Variants in RBM44 observed in about 807,000 individuals in gnomAD.
RBM44 encodes the protein RNA binding motif protein 44.
RBM44 carries 66 observed loss-of-function variants against 105.1 expected under a neutral mutation model. The ratio of observed to expected loss-of-function variants is 0.63; its 90% CI spans 0.52 to 0.77. The LOEUF is 0.77. Ranked by LOEUF, RBM44 falls within the 30% of genes least tolerant of loss-of-function variation. RBM44 has a pLI of 0.00. For missense variants in RBM44, 1,122 were observed against 1,207.8 expected (o/e 0.93, Z 1.05); for synonymous variants, 365 against 417.6 (o/e 0.87, Z 1.54).
rs776264334 is a variant in RBM44 at position 237,813,587 on chromosome 2, T to C, written c.-18-5T>C. On this transcript the variant is annotated splice_polypyrimidine_tract_variant and splice_region_variant and intron_variant, in intron 1 of 15. Coordinates refer to ENST00000316997, the MANE Select transcript of RBM44 (RefSeq NM_001080504.3). Reference sequence around the variant, plus strand: ...ATAATAGTTCAATATTTATACCTTTTCTAGATTATATATCTTTGAATGATG... The same window carrying C: ...ATAATAGTTCAATATTTATACCTTTCCTAGATTATATATCTTTGAATGATG... 7.3e-6 allele frequency: 11 copies of C among 1,502,266 alleles called. No homozygotes were observed. The highest frequency in any genetic ancestry group is 1.0e-5 in the Non-Finnish European group (11 of 1,080,800). The allele number at this position is 1,502,266 out of a possible 1,614,324, so 93.1% of individuals were successfully genotyped here. A position where few individuals can be genotyped will look rare whatever the true frequency, so the allele number is the denominator to read the frequency against.
chr2:237,823,124 TATATA>T (rs1329572596), intron 8 of RBM44, among the ~76,000 whole-genome samples: 1 of 146,606 alleles, frequency 6.8e-6, no homozygotes, highest in Non-Finnish European at 1.5e-5. Flanking sequence ...ATATATATAA[TATATA>T]TATATACACC....
Position 237,842,499 on chromosome 2 carries a change from A to G in RBM44, c.*683A>G, listed in dbSNP as rs2062021835. The G allele has an allele frequency of 6.6e-6, 1 of 152,094 alleles. No homozygotes were observed. Among genetic ancestry groups the G allele is most frequent in the African/African-American group, 2.4e-5 (1 of 41,452 alleles). 9.4% of individuals were successfully genotyped at this position (152,094 alleles called of 1,614,324 possible). ...AAGTACTTAAATTCCAATGTTCCCT[A>G]TAGTGCTTGCATTCATTTTGTGAAA... On this transcript the variant is annotated 3_prime_UTR_variant, in exon 16 of 16. Coordinates refer to ENST00000316997, the MANE Select transcript of RBM44 (RefSeq NM_001080504.3).
At chr2:237,809,615 C>A (rs931293016) in intron 1 of RBM44, among the ~76,000 whole-genome samples, 6 of 152,158 alleles carry the variant, frequency 3.9e-5, no homozygotes, top group Admixed American at 6.5e-5. Flanking sequence ...GTGCCTAATT[C>A]TTGAGTCTCT....
intron 9 of RBM44, 100 bp downstream of exon 9, chr2:237,823,654 AATTG>A: frequency 1.6e-6 from 1 of 606,900 alleles, no homozygotes; most frequent in Non-Finnish European, 2.9e-6. Flanking sequence ...AAATTTTCTT[AATTG>A]ATGGAAAGGC....
chr2:237,838,154 A>C (rs2061977925), intron 15 of RBM44, among the ~76,000 whole-genome samples: 1 of 152,196 alleles, frequency 6.6e-6, no homozygotes, highest in South Asian at 2.1e-4. Context: ...CTGCTTGAAA[A>C]ATTAAAGCCT....
At position 237,818,663 on chromosome 2, in the gene RBM44, G is replaced by C; in HGVS notation, c.1677+67G>C. 1.7e-6 allele frequency: 2 copies of C among 1,158,392 alleles called. No individual in the cohort carries two copies. The highest frequency in any genetic ancestry group is 1.2e-6 in the Non-Finnish European group (1 of 848,204). 71.8% of individuals were successfully genotyped at this position (1,158,392 alleles called of 1,614,324 possible). ...AGAGACAGTGTATGCTAATGTAAGT[G>C]TTTTTGGTTCGTTGAATTAAGGCTT... On this transcript the variant is annotated intron_variant, in intron 3 of 15. Coordinates refer to ENST00000316997, the MANE Select transcript of RBM44 (RefSeq NM_001080504.3). The surrounding 1 kb of genome is among the most constrained non-coding windows in gnomAD (Gnocchi z 4.6).
chr2:237,825,294 T>C (rs1262849524), intron 10 of RBM44, among the ~76,000 whole-genome samples: 2 of 152,028 alleles, frequency 1.3e-5, no homozygotes, highest in African/African-American at 4.8e-5. Flanking sequence ...CTATCTTGGC[T>C]CATTGCAACC....
In RBM44 at chr2:237,798,821, C is replaced by T. The variant is rs1529805; in HGVS notation, c.-59C>T. The T allele has an allele frequency of 0.12, 18,253 of 152,964 alleles. 1,432 individuals are homozygous for T. Among genetic ancestry groups the T allele is most frequent in the East Asian group, 0.41 (2,107 of 5,170 alleles). 9.5% of individuals were successfully genotyped at this position (152,964 alleles called of 1,614,324 possible). ...GGCTGCGGAGAGCGGGGCGCTGGCCCGTGGAGGCGGCAGCGGCGGCGGCTT... is the reference window on the plus strand; with the variant it reads ...GGCTGCGGAGAGCGGGGCGCTGGCCTGTGGAGGCGGCAGCGGCGGCGGCTT... On this transcript the variant is annotated 5_prime_UTR_variant, in exon 1 of 16. Coordinates refer to ENST00000316997, the MANE Select transcript of RBM44 (RefSeq NM_001080504.3). The surrounding 1 kb of genome is among the most constrained non-coding windows in gnomAD (Gnocchi z 4.3).
rs1181079416 is a variant in RBM44, at chr2:237,820,217, A to G, written c.1779A>G (p.Ser593=). The change falls in exon 5 of 16, where the codon TCA becomes TCG. Residue 593 remains serine, a synonymous_variant. Transcript: ENST00000316997. ...AAGATACAGAGAAGGATTTGCCATCAATGTGCTGTCAGAAGATAATGCAGA... is the reference window on the plus strand; with the variant it reads ...AAGATACAGAGAAGGATTTGCCATCGATGTGCTGTCAGAAGATAATGCAGA... ...LFKDTEKDLP[S]MCCQKIMQRA... 2.5e-6 allele frequency: 4 copies of G among 1,574,246 alleles called. No homozygotes were observed. The highest frequency in any genetic ancestry group is 1.9e-5 in the Admixed American group (1 of 53,758).
rs559858101 is a variant in RBM44 at position 237,803,144 on chromosome 2, G to C, written c.-19+4283G>C. Among the ~76,000 whole-genome samples, 11 of 152,292 alleles carry C rather than the reference G, an allele frequency of 7.2e-5. No individual in the cohort carries two copies. The highest frequency in any genetic ancestry group is 3.9e-4 in the Admixed American group (6 of 15,306). On this transcript the variant is annotated intron_variant, in intron 1 of 15. Coordinates refer to ENST00000316997, the MANE Select transcript of RBM44 (RefSeq NM_001080504.3). The surrounding 1 kb of genome is among the most constrained non-coding windows in gnomAD (Gnocchi z 4.2). ...TAGCTGTGTGTGGTGGTGTGCACCT[G>C]TAGTGCCAGCTACAAAGGAGGCTGA...
chr2:237,827,513 C>T lies in RBM44; in HGVS notation c.2600+10C>T. The T allele has an allele frequency of 7.0e-7, 1 of 1,418,736 alleles. No homozygotes were observed. Among genetic ancestry groups the T allele is most frequent in the South Asian group, 1.3e-5 (1 of 78,856 alleles). The allele number at this position is 1,418,736 out of a possible 1,614,324, so 87.9% of individuals were successfully genotyped here. On this transcript the variant is annotated intron_variant, in intron 12 of 15. Transcript: ENST00000316997. ...ATTCTACTAATTACAGGTGTGTTTC[C>T]CAACTTTAATCAATGTGCATTATTA...
At chr2:237,810,800 A>T (rs998151385) in intron 1 of RBM44, among the ~76,000 whole-genome samples, 3 of 152,178 alleles carry the variant, frequency 2.0e-5, no homozygotes, top group African/African-American at 7.2e-5. Context: ...GCCAGAGTTC[A>T]TGGCATTTCA....
In RBM44 at chr2:237,818,112, G is replaced by A. The variant is rs770920621; in HGVS notation, c.1193G>A (p.Ser398Asn). The change falls in exon 3 of 16, where the codon AGC (serine) becomes AAC (asparagine). Residue 398 changes from serine to asparagine, a missense_variant. Transcript: ENST00000316997. This position sits in a 1 kb window ranked among gnomAD's most constrained non-coding sequence, Gnocchi z 4.6. ...ATTTCTGCCTGTGGATATTATGAAA[G>A]CCTACAAAACACTGCTGACTCAGCC... ...SIISACGYYESLQNTADSALD... is the reference protein window; with the variant it reads ...SIISACGYYENLQNTADSALD... The A allele has an allele frequency of 9.3e-6, 15 of 1,612,938 alleles. No homozygotes were observed. The South Asian group carries it at 9.9e-5, about 11-fold the overall frequency.
intron 2 of RBM44, among the ~76,000 whole-genome samples, chr2:237,813,943 A>G (rs1258227103): frequency 2.0e-5 from 3 of 152,218 alleles, no homozygotes; most frequent in Non-Finnish European, 4.4e-5. Flanking sequence ...AGAACTGCTG[A>G]CAGGTATAAC....
intron 4 of RBM44, among the ~76,000 whole-genome samples, 183 bp downstream of exon 4, chr2:237,819,142 T>A (rs532107030): frequency 1.3e-5 from 2 of 152,204 alleles, no homozygotes; most frequent in East Asian, 3.9e-4. Context: ...AGCTCTTCAC[T>A]TATTGAGATT....
chr2:237,812,348 T>G (rs1351197588), intron 1 of RBM44, among the ~76,000 whole-genome samples: 1 of 152,236 alleles, frequency 6.6e-6, no homozygotes, highest in African/African-American at 2.4e-5. Context: ...TAGCTTTATT[T>G]AATAATAAGC....
Position 237,818,812 on chromosome 2 carries a change from A to G in RBM44, c.1678-89A>G. The G allele has an allele frequency of 2.5e-6, 2 of 797,678 alleles. No individual in the cohort carries two copies. The highest frequency in any genetic ancestry group is 2.8e-5 in the East Asian group (1 of 35,686). 49.4% of individuals were successfully genotyped at this position (797,678 alleles called of 1,614,324 possible). A position where few individuals can be genotyped will look rare whatever the true frequency, so the allele number is the denominator to read the frequency against. ...CTCCTCTCCTGGCAGCTCCTCCCAC[A>G]AAATCCATTAGAAATTGAATTGTAC... is the stretch of plus-strand genomic sequence containing the variant. On this transcript the variant is annotated intron_variant, in intron 3 of 15. Coordinates refer to ENST00000316997, the MANE Select transcript of RBM44 (RefSeq NM_001080504.3). This position sits in a 1 kb window ranked among gnomAD's most constrained non-coding sequence, Gnocchi z 4.6.
intron 12 of RBM44, among the ~76,000 whole-genome samples, chr2:237,828,932 A>G (rs573268942): frequency 5.3e-4 from 81 of 152,042 alleles, no homozygotes; most frequent in Non-Finnish European, 9.1e-4. Context: ...CTGCAACTCT[A>G]TCATATATTA....
chr2:237,831,272 GTTTGT>G (rs1162399320), intron 13 of RBM44, among the ~76,000 whole-genome samples: 2 of 132,914 alleles, frequency 1.5e-5, no homozygotes, highest in African/African-American at 2.8e-5. Flanking sequence ...CTTTGTTTTT[GTTTGT>G]TTTGTTTTGT....
Sources: gnomAD v4.1 joint callset for allele counts (sites outside exome capture counted in the v4.1 genomes callset) on GRCh38, gnomAD v4.1.1 for gene constraint, Gnocchi (gnomAD v3.1) non-coding constraint, MANE v1.5 for transcripts, NCBI Gene and HGNC (gene_info 2026-07-23, HGNC 2026-07-21) for gene names.